Variants in ZNF790 observed in about 807,000 individuals in gnomAD.
The protein encoded by ZNF790 is zinc finger protein 790.
A neutral mutation model predicts 12.1 loss-of-function variants in ZNF790; 8 were observed. The ratio of observed to expected loss-of-function variants is 0.66; its 90% CI spans 0.39 to 1.19. The LOEUF (loss-of-function observed/expected upper bound fraction) is 1.19. Among genes scored for constraint, ZNF790 ranks in the 50% most tolerant of loss-of-function variants. The pLI, the probability that ZNF790 is intolerant of heterozygous loss-of-function variation, is 0.01. For missense variants in ZNF790, 707 were observed against 752.2 expected, an observed-to-expected ratio of 0.94 and a Z score of 0.70; for synonymous variants, 252 against 244.3, an observed-to-expected ratio of 1.03 and a Z score of -0.29.
chr19:36,848,287 G>A (rs1260019054), intron 1 of ZNF790, among the ~76,000 whole-genome samples: 1 of 152,188 alleles, frequency 6.6e-6, no homozygotes, highest in Non-Finnish European at 1.5e-5. Context: ...CATGACTTCT[G>A]GGAAAAGGAA....
intron 1 of ZNF790, among the ~76,000 whole-genome samples, chr19:36,827,141 C>CACACACACACATATATATAT (rs1313807327): frequency 1.1e-4 from 9 of 84,440 alleles, no homozygotes; most frequent in African/African-American, 3.9e-4. Context: ...CACACACACA[C>CACACACACACATATATATAT]ATATATATAT....
At chr19:36,832,141 C>T (rs1404116990) in intron 1 of ZNF790, among the ~76,000 whole-genome samples, 1 of 152,134 alleles carries the variant, frequency 6.6e-6, no homozygotes, top group African/African-American at 2.4e-5. Context: ...TTGACATGCG[C>T]TGTTTCAGAA....
intron 4 of ZNF790, among the ~76,000 whole-genome samples, chr19:36,822,939 C>T (rs755243309): frequency 1.3e-5 from 2 of 151,556 alleles, no homozygotes; most frequent in Non-Finnish European, 2.9e-5. Context: ...CAACCTCTGC[C>T]TCCCTGGTTC....
chr19:36,849,082 C>T (rs1217860199), intron 1 of ZNF790, among the ~76,000 whole-genome samples: 2 of 151,724 alleles, frequency 1.3e-5, no homozygotes, highest in Non-Finnish European at 2.9e-5. Flanking sequence ...CGTGAGCCAC[C>T]GCACTCATGC....
Position 36,823,683 on chromosome 19 carries a change from G to A in ZNF790, c.117C>T (p.Ser39=), listed in dbSNP as rs202026318. ...LYRDVMLENY[S]NMVSLGFCIY... ...GAATCTTACCCAGTGAGACCATGTTGCTGTAGTTCTCCAACATCACATCTC... is the reference window on the plus strand; with the variant it reads ...GAATCTTACCCAGTGAGACCATGTTACTGTAGTTCTCCAACATCACATCTC... The change falls in exon 3 of 5, where the codon AGC becomes AGT. Residue 39 remains serine (S), a synonymous_variant. Coordinates refer to ENST00000356725, the MANE Select transcript of ZNF790 (RefSeq NM_206894.4). 1 of 1,609,762 alleles carries A rather than the reference G, an allele frequency of 6.2e-7. No homozygotes were observed. The highest frequency in any genetic ancestry group is 1.1e-5 in the South Asian group (1 of 89,724).
chr19:36,827,141 C>CACACACACACATATAT (rs1313807327), intron 1 of ZNF790, among the ~76,000 whole-genome samples: 16 of 84,436 alleles, frequency 1.9e-4, no homozygotes, highest in African/African-American at 7.7e-4. Flanking sequence ...CACACACACA[C>CACACACACACATATAT]ATATATATAT....
intron 1 of ZNF790, among the ~76,000 whole-genome samples, chr19:36,830,425 C>A (rs192408086): frequency 6.6e-6 from 1 of 152,274 alleles, no homozygotes; most frequent in Admixed American, 6.5e-5. Flanking sequence ...TTAGATGTTA[C>A]TGGATTTGGT....
chr19:36,818,422 T>C lies in ZNF790; in HGVS notation c.*11A>G, dbSNP rs1427328698. ...ATGAATAAAGCCCTTCCTACACTTTTATATAATATTTCACAAGAGTGAAAT... is the reference window on the plus strand; with the variant it reads ...ATGAATAAAGCCCTTCCTACACTTTCATATAATATTTCACAAGAGTGAAAT... On this transcript the variant is annotated 3_prime_UTR_variant, in exon 5 of 5. Coordinates refer to ENST00000356725, the MANE Select transcript of ZNF790 (RefSeq NM_206894.4). 1.3e-6 allele frequency: 2 copies of C among 1,518,428 alleles called. No individual in the cohort carries two copies. The allele number at this position is 1,518,428 out of a possible 1,614,324, so 94.1% of individuals were successfully genotyped here. A position where few individuals can be genotyped will look rare whatever the true frequency, so the allele number is the denominator to read the frequency against.
chr19:36,845,846 T>A, intron 1 of ZNF790, among the ~76,000 whole-genome samples: 1 of 151,986 alleles, frequency 6.6e-6, no homozygotes, highest in East Asian at 1.9e-4. Flanking sequence ...TTCACTCTTG[T>A]TGCCCAGGCT....
chr19:36,822,423 TGAGAGCACAAAAATAGAGTGGTATTTGGA>T, intron 4 of ZNF790, among the ~76,000 whole-genome samples: 1 of 152,074 alleles, frequency 6.6e-6, no homozygotes, highest in East Asian at 1.9e-4. Flanking sequence ...GAGTGAAAAA[TGAGAGCACAAAAATAGAGTGGTATTTGGA>T]GTGAAGAGAA....
At chr19:36,832,475 G>A (rs2146065538) in intron 1 of ZNF790, among the ~76,000 whole-genome samples, 1 of 152,306 alleles carries the variant, frequency 6.6e-6, no homozygotes, top group Non-Finnish European at 1.5e-5. Flanking sequence ...GAGAAAACCA[G>A]TTGACGTATC....
chr19:36,837,564 G>C (rs1254684932), intron 1 of ZNF790: 1 of 151,952 alleles, frequency 6.6e-6, no homozygotes, highest in Non-Finnish European at 1.5e-5. Context: ...CCCTATATCT[G>C]AAATCTTCAG....
chr19:36,826,264 C>CA (rs2071795043), intron 1 of ZNF790, among the ~76,000 whole-genome samples: 1 of 151,942 alleles, frequency 6.6e-6, no homozygotes, highest in Admixed American at 6.6e-5. Flanking sequence ...GGCGAGTAGT[C>CA]AGTGTTGTGA....
Position 36,823,794 on chromosome 19 carries a change from T to C in ZNF790, c.10-4A>G, listed in dbSNP as rs1246729380. The C allele has an allele frequency of 1.3e-6, 2 of 1,596,686 alleles. No homozygotes were observed. Among genetic ancestry groups the C allele is most frequent in the Non-Finnish European group, 1.7e-6 (2 of 1,175,416 alleles). Reference sequence around the variant, plus strand: ...CCACATCCCTGAACATCATCAACTGTTGGAAAGAATAATTCCAAGTATTAA... The same window carrying C: ...CCACATCCCTGAACATCATCAACTGCTGGAAAGAATAATTCCAAGTATTAA... On this transcript the variant is annotated splice_region_variant and splice_polypyrimidine_tract_variant and intron_variant, in intron 2 of 4. Coordinates refer to ENST00000356725, the MANE Select transcript of ZNF790 (RefSeq NM_206894.4).
intron 1 of ZNF790, among the ~76,000 whole-genome samples, chr19:36,830,224 T>A (rs2071920491): frequency 6.6e-6 from 1 of 152,196 alleles, no homozygotes; most frequent in African/African-American, 2.4e-5. Context: ...TTGTAGAATG[T>A]GTATGTTTTA....
chr19:36,833,041 A>G (rs1288348159), intron 1 of ZNF790, among the ~76,000 whole-genome samples: 2 of 152,228 alleles, frequency 1.3e-5, no homozygotes, highest in African/African-American at 4.8e-5. Context: ...AAATTTCAAC[A>G]TACAAGCAAA....
chr19:36,850,201 C>A (rs1187568230), exon 1 of ZNF790: 1 of 152,260 alleles, frequency 6.6e-6, no homozygotes, highest in African/African-American at 2.4e-5. Flanking sequence ...CTGGTCACTG[C>A]GGCCAGACTG....
In ZNF790 at chr19:36,822,903, T is replaced by C. The variant is rs148224635; in HGVS notation, c.229+382A>G. 9.1e-3 allele frequency among the ~76,000 whole-genome samples: 1,380 copies of C among 151,388 alleles called. 12 individuals are homozygous for C. Among genetic ancestry groups the C allele is most frequent in the Non-Finnish European group, 0.015 (1,025 of 67,882 alleles). On this transcript the variant is annotated intron_variant, in intron 4 of 4. Transcript: ENST00000356725. ...TCTCACTCTGTCGACCAGACTGCAG[T>C]GCAGTGGCACGATCTCGGCTCACTG...
intron 1 of ZNF790, among the ~76,000 whole-genome samples, chr19:36,832,624 A>G (rs1191896178): frequency 6.6e-6 from 1 of 152,158 alleles, no homozygotes; most frequent in Non-Finnish European, 1.5e-5. Flanking sequence ...AGCCCTGGCC[A>G]AGAGTGTGAC....
Sources: gnomAD v4.1 joint callset for allele counts (sites outside exome capture counted in the v4.1 genomes callset) on GRCh38, gnomAD v4.1.1 for gene constraint, MANE v1.5 for transcripts, NCBI Gene and HGNC (gene_info 2026-07-23, HGNC 2026-07-21) for gene names.